Variants in GUCY1A2 observed in about 807,000 individuals in gnomAD.
GUCY1A2 encodes the protein guanylate cyclase 1 soluble subunit alpha 2.
GUCY1A2 carries 27 observed loss-of-function variants against 63.5 expected under a neutral mutation model. The observed-to-expected ratio is 0.43, with a 90% CI of 0.31 to 0.59. The LOEUF (loss-of-function observed/expected upper bound fraction) is 0.59, where lower values mean the gene tolerates loss of function less well. Ranked by LOEUF, GUCY1A2 falls within the 20% of genes least tolerant of loss-of-function variation. The pLI is 0.11. For synonymous variants in GUCY1A2, 364 were observed against 343.5 expected (o/e 1.06, Z -0.66); for missense variants, 768 against 913.3 (o/e 0.84, Z 2.05).
intron 3 of GUCY1A2, among the ~76,000 whole-genome samples, chr11:106,973,250 G>T (rs1165125023): frequency 6.6e-6 from 1 of 152,072 alleles, no homozygotes; most frequent in African/African-American, 2.4e-5. Context: ...CTGGCCTAAT[G>T]ATGTCTAACA....
intron 4 of GUCY1A2, among the ~76,000 whole-genome samples, chr11:106,914,314 G>A (rs1296556388): frequency 6.6e-6 from 1 of 151,992 alleles, no homozygotes; most frequent in Non-Finnish European, 1.5e-5. Context: ...CACTCCTAAT[G>A]TACATAATTA....
chr11:106,834,609 T>C (rs946013192), intron 4 of GUCY1A2, among the ~76,000 whole-genome samples: 2 of 151,936 alleles, frequency 1.3e-5, no homozygotes, highest in Non-Finnish European at 2.9e-5. Context: ...AGGATCCTCA[T>C]GAAAAACAAA....
At chr11:106,811,002 G>A (rs2135424552) in intron 4 of GUCY1A2, among the ~76,000 whole-genome samples, 1 of 152,130 alleles carries the variant, frequency 6.6e-6, no homozygotes, top group South Asian at 2.1e-4. Flanking sequence ...CATTGCACTT[G>A]TTAGGTTAGT....
At chr11:106,846,447 A>G (rs1439793985) in intron 4 of GUCY1A2, among the ~76,000 whole-genome samples, 2 of 151,700 alleles carry the variant, frequency 1.3e-5, no homozygotes, top group Non-Finnish European at 3.0e-5. Context: ...TTTAGACTAA[A>G]GCATTAATAT....
chr11:106,854,676 G>C (rs1199753611), intron 4 of GUCY1A2, among the ~76,000 whole-genome samples: 1 of 152,160 alleles, frequency 6.6e-6, no homozygotes, highest in Non-Finnish European at 1.5e-5. Flanking sequence ...GGTAGTGGTG[G>C]CAGCTATGAG....
chr11:106,922,958 A>G (rs1860469311), intron 4 of GUCY1A2, among the ~76,000 whole-genome samples: 1 of 151,920 alleles, frequency 6.6e-6, no homozygotes, highest in Admixed American at 6.6e-5. Context: ...AATTCGGACT[A>G]CCTGTTGTAG....
At chr11:106,708,003 T>C (rs77750198) in intron 7 of GUCY1A2, among the ~76,000 whole-genome samples, 4,530 of 152,138 alleles carry the variant, frequency 0.03, 104 homozygotes, top group South Asian at 0.069. Context: ...CCAGGTAATA[T>C]GCACAAATAT....
intron 3 of GUCY1A2, among the ~76,000 whole-genome samples, chr11:106,959,085 T>G (rs996052114): frequency 3.9e-5 from 6 of 152,194 alleles, no homozygotes; most frequent in African/African-American, 1.4e-4. Flanking sequence ...GAGCAACTAT[T>G]CATATTCGTT....
intron 6 of GUCY1A2, among the ~76,000 whole-genome samples, chr11:106,755,491 T>C (rs1366484025): frequency 6.6e-6 from 1 of 152,216 alleles, no homozygotes; most frequent in East Asian, 1.9e-4. Context: ...TTTAGTGCTA[T>C]AAATTTCCCT....
chr11:106,871,191 A>G (rs1276426816), intron 4 of GUCY1A2, among the ~76,000 whole-genome samples: 2 of 152,160 alleles, frequency 1.3e-5, no homozygotes, highest in Non-Finnish European at 2.9e-5. Context: ...ACCTTCAGTA[A>G]TCTTCAGAGA....
intron 1 of GUCY1A2, among the ~76,000 whole-genome samples, chr11:106,994,457 A>G: frequency 6.6e-6 from 1 of 152,234 alleles, no homozygotes; most frequent in East Asian, 1.9e-4. Flanking sequence ...TCAGGCAAGA[A>G]CACACTTAAG....
chr11:106,861,812 A>G (rs796169004), intron 4 of GUCY1A2, among the ~76,000 whole-genome samples: 1 of 152,028 alleles, frequency 6.6e-6, no homozygotes, highest in Non-Finnish European at 1.5e-5. Context: ...TCATTTTTCT[A>G]TATTTTATTC....
At chr11:106,712,979 C>T (rs1863146741) in intron 6 of GUCY1A2, among the ~76,000 whole-genome samples, 1 of 152,128 alleles carries the variant, frequency 6.6e-6, no homozygotes, top group Admixed American at 6.5e-5. Context: ...GGTCTTTTTG[C>T]AACTCTTACT....
chr11:106,740,499 C>T (rs1167198341), intron 6 of GUCY1A2, among the ~76,000 whole-genome samples: 1 of 152,140 alleles, frequency 6.6e-6, no homozygotes, highest in African/African-American at 2.4e-5. Context: ...CAAGACTTAA[C>T]TTACACTGTC....
At chr11:106,753,543 A>C (rs975191567) in intron 6 of GUCY1A2, among the ~76,000 whole-genome samples, 1 of 152,216 alleles carries the variant, frequency 6.6e-6, no homozygotes, top group African/African-American at 2.4e-5. Flanking sequence ...ATTTTTGTAT[A>C]AGGTGTAAGG....
At chr11:106,696,629 G>GGAGA (rs1862724256) in intron 7 of GUCY1A2, among the ~76,000 whole-genome samples, 1 of 151,880 alleles carries the variant, frequency 6.6e-6, no homozygotes. Flanking sequence ...TGTATTCTAA[G>GGAGA]GAGATCATGC....
intron 1 of GUCY1A2, among the ~76,000 whole-genome samples, chr11:107,004,509 T>C (rs1490882491): frequency 3.9e-5 from 6 of 152,166 alleles, no homozygotes; most frequent in East Asian, 1.9e-4. Flanking sequence ...AGTGACACTA[T>C]ACATCAATAA....
chr11:107,004,486 AG>A (rs1204818690), intron 1 of GUCY1A2, among the ~76,000 whole-genome samples: 1 of 152,100 alleles, frequency 6.6e-6, no homozygotes, highest in East Asian at 1.9e-4. Flanking sequence ...CCAAGCCCTA[AG>A]GCTTCCTCTG....
intron 1 of GUCY1A2, among the ~76,000 whole-genome samples, chr11:106,989,307 ATTTAC>A (rs1183418484): frequency 1.3e-5 from 2 of 152,204 alleles, no homozygotes; most frequent in Non-Finnish European, 1.5e-5. Context: ...ACCTTGGGCA[ATTTAC>A]TTAAGCTCTT....
Sources: allele counts gnomAD v4.1 joint callset (sites outside exome capture counted in the v4.1 genomes callset), GRCh38; gene constraint gnomAD v4.1.1; transcripts MANE v1.5; gene names NCBI Gene and HGNC (gene_info 2026-07-23, HGNC 2026-07-21).